The following SLC39A3 variants were observed in gnomAD, a reference collection of about 807,000 sequenced individuals.
SLC39A3 encodes zinc transporter ZIP3.
SLC39A3 carries 3 observed loss-of-function variants against 5.1 expected under a neutral mutation model. The ratio of observed to expected loss-of-function variants is 0.59; its 90% confidence interval spans 0.27 to 1.54. SLC39A3 has a LOEUF of 1.54. Ranked by LOEUF, SLC39A3 falls within the 40% of genes most tolerant of loss-of-function variation. The probability of loss-of-function intolerance (pLI) is 0.12; values close to 1 mark genes in which losing one functional copy is unlikely to be tolerated. For synonymous variants in SLC39A3, 250 were observed against 218.8 expected, an observed-to-expected ratio of 1.14 and a Z score of -1.26; for missense variants, 412 against 436.4, an observed-to-expected ratio of 0.94 and a Z score of 0.50.
Position 2,733,236 on chromosome 19 carries a change from C to A in SLC39A3, c.460G>T (p.Gly154Cys), listed in dbSNP as rs534083906. The A allele has an allele frequency of 9.3e-6, 15 of 1,608,784 alleles. No individual in the cohort carries two copies. In the African/African-American group the frequency reaches 1.9e-4, roughly 20 times the overall value. Residue 154 changes from glycine (G) to cysteine (C), a missense_variant, in exon 3 of 3, where the codon GGC becomes TGC. Coordinates refer to ENST00000269740, the MANE Select transcript of SLC39A3 (RefSeq NM_144564.5). The surrounding 1 kb of genome is among the most constrained non-coding windows in gnomAD (Gnocchi z 6.1). ...HALYVEPHGH[G>C]PSLSVQGLSR... is the part of the protein sequence containing the mutation. Reference sequence around the variant, plus strand: ...AGGCCCTGCACGCTCAGGCTGGGGCCGTGGCCGTGGGGCTCCACGTACAGC... The same window carrying A: ...AGGCCCTGCACGCTCAGGCTGGGGCAGTGGCCGTGGGGCTCCACGTACAGC...
At chr19:2,736,898 T>TCA (rs1914387208) in intron 2 of SLC39A3, 150 bp downstream of exon 2, 1 of 1,525,910 alleles carries the variant, frequency 6.6e-7, no homozygotes, top group Non-Finnish European at 8.8e-7. Context: ...AGTAACCAGT[T>TCA]CACAATCACA....
chr19:2,733,232 G>GGGCCGT lies in SLC39A3; in HGVS notation c.458_463dup (p.His153_Gly154dup). ...CGAGAGGCCCTGCACGCTCAGGCTG[G>GGGCCGT]GGCCGTGGCCGTGGGGCTCCACGTA... On this transcript the variant is annotated inframe_insertion, in exon 3 of 3. Coordinates refer to ENST00000269740, the MANE Select transcript of SLC39A3 (RefSeq NM_144564.5). This position sits in a 1 kb window ranked among gnomAD's most constrained non-coding sequence, Gnocchi z 6.1. 3.7e-6 allele frequency: 6 copies of GGGCCGT among 1,608,836 alleles called. No homozygotes were observed. The highest frequency in any genetic ancestry group is 5.1e-6 in the Non-Finnish European group (6 of 1,177,542).
rs1174594942 is a variant in SLC39A3, at chr19:2,739,953, G to T, written c.-131C>A. The T allele has an allele frequency of 6.6e-6, 1 of 152,372 alleles. No homozygotes were observed. Among genetic ancestry groups the T allele is most frequent in the Admixed American group, 6.5e-5 (1 of 15,280 alleles). The allele number at this position is 152,372 out of a possible 1,614,324, so 9.4% of individuals were successfully genotyped here. Reference sequence around the variant, plus strand: ...TCTCTGCCCGCACCTACCTCCCGGGGGCCCCTCGTCCGCCGACTGGCGCCG... The same window carrying T: ...TCTCTGCCCGCACCTACCTCCCGGGTGCCCCTCGTCCGCCGACTGGCGCCG... On this transcript the variant is annotated 5_prime_UTR_variant, in exon 1 of 3. Transcript: ENST00000269740.
chr19:2,735,697 G>T lies in SLC39A3; in HGVS notation c.210+1351C>A, dbSNP rs1914341868. On this transcript the variant is annotated intron_variant, in intron 2 of 2. Coordinates refer to ENST00000269740, the MANE Select transcript of SLC39A3 (RefSeq NM_144564.5). This position sits in a 1 kb window ranked among gnomAD's most constrained non-coding sequence, Gnocchi z 5.7. ...ACAGCTGCAACATCCCCTCTGCTGG[G>T]ATTCTGACATAATGGCAGGAGTGAC... is the stretch of plus-strand genomic sequence containing the variant. 2.9e-6 allele frequency: 1 copy of T among 341,870 alleles called. No individual in the cohort carries two copies. Among genetic ancestry groups the T allele is most frequent in the Non-Finnish European group, 4.1e-6 (1 of 242,008 alleles). 21.2% of individuals were successfully genotyped at this position (341,870 alleles called of 1,614,324 possible).
Position 2,734,422 on chromosome 19 carries a change from GCA to G in SLC39A3, c.211-939_211-938del, listed in dbSNP as rs1051675032. On this transcript the variant is annotated intron_variant, in intron 2 of 2. Transcript: ENST00000269740. This position sits in a 1 kb window ranked among gnomAD's most constrained non-coding sequence, Gnocchi z 4.6. Reference sequence around the variant, plus strand: ...CACACACACACACACACGCATATGTGCACACACGCACGCACACACACGCGCAC... The same window carrying G: ...CACACACACACACACACGCATATGTGCACACGCACGCACACACACGCGCAC... 3.9e-5 allele frequency: 6 copies of G among 152,310 alleles called. No homozygotes were observed. The highest frequency in any genetic ancestry group is 1.5e-5 in the Non-Finnish European group (1 of 68,184). The allele number at this position is 152,310 out of a possible 1,614,324, so 9.4% of individuals were successfully genotyped here. A position where few individuals can be genotyped will look rare whatever the true frequency, so the allele number is the denominator to read the frequency against.
chr19:2,739,478 AG>A (rs1362351587), intron 1 of SLC39A3: 2 of 152,024 alleles, frequency 1.3e-5, no homozygotes, highest in African/African-American at 2.4e-5. Flanking sequence ...CTCCACTCAG[AG>A]CTCTCCCCGC....
rs776627197 is a variant in SLC39A3 at position 2,733,473 on chromosome 19, G to A, written c.223C>T (p.Leu75=). 6.2e-7 allele frequency: 1 copy of A among 1,609,788 alleles called. No homozygotes were observed. Among genetic ancestry groups the A allele is most frequent in the East Asian group, 2.2e-5 (1 of 44,792 alleles). Residue 75 remains leucine, a synonymous_variant, in exon 3 of 3, where the codon CTG becomes TTG. Transcript: ENST00000269740. The surrounding 1 kb of genome is among the most constrained non-coding windows in gnomAD (Gnocchi z 6.1). The part of the protein sequence containing the change: ...PAVREKLQKV[L]SLGHISTDYP... ...TCGGTGCTGATGTGGCCGAGGCTCA[G>A]GACCTTCTGGAGCTGCAGCCGGGGA...
Position 2,734,650 on chromosome 19 carries a change from G to T in SLC39A3, c.211-1165C>A. The T allele has an allele frequency of 2.5e-6, 2 of 804,626 alleles. No homozygotes were observed. Among genetic ancestry groups the T allele is most frequent in the African/African-American group, 1.9e-5 (1 of 53,820 alleles). 49.8% of individuals were successfully genotyped at this position (804,626 alleles called of 1,614,324 possible). A position where few individuals can be genotyped will look rare whatever the true frequency, so the allele number is the denominator to read the frequency against. Reference sequence around the variant, plus strand: ...AGGGTGCTGCTGAGCAGTGTCTCTGGCCTCCACCCACTCCAGGCCAGGAGC... The same window carrying T: ...AGGGTGCTGCTGAGCAGTGTCTCTGTCCTCCACCCACTCCAGGCCAGGAGC... On this transcript the variant is annotated intron_variant, in intron 2 of 2. Transcript: ENST00000269740. The surrounding 1 kb of genome is among the most constrained non-coding windows in gnomAD (Gnocchi z 4.6).
chr19:2,737,400 G>A (rs1914405006), intron 1 of SLC39A3, 21 bp from the exon 2 acceptor site: 3 of 1,385,792 alleles, frequency 2.2e-6, no homozygotes, highest in Admixed American at 2.9e-5. Context: ...CAGGGGCACT[G>A]CATTAGCTTT....
intron 2 of SLC39A3, chr19:2,736,834 A>G: frequency 6.8e-7 from 1 of 1,463,864 alleles, no homozygotes; most frequent in Non-Finnish European, 9.0e-7. Flanking sequence ...ACCTGTTGGG[A>G]ATCCCAGGTC....
intron 1 of SLC39A3, among the ~76,000 whole-genome samples, chr19:2,737,971 G>A (rs890005260): frequency 6.6e-6 from 1 of 151,848 alleles, no homozygotes; most frequent in African/African-American, 2.4e-5. Context: ...GGCCGAGGTG[G>A]GTGGATCACC....
In SLC39A3 at chr19:2,734,254, C is replaced by G. The variant is rs754252842; in HGVS notation, c.211-769G>C. On this transcript the variant is annotated intron_variant, in intron 2 of 2. Transcript: ENST00000269740. This position sits in a 1 kb window ranked among gnomAD's most constrained non-coding sequence, Gnocchi z 4.6. Reference sequence around the variant, plus strand: ...ACAACAGCTCCCTGGAGCCTCGTCACGGCAGGGCCAGAGTTCACAGCCACC... The same window carrying G: ...ACAACAGCTCCCTGGAGCCTCGTCAGGGCAGGGCCAGAGTTCACAGCCACC... 6.6e-6 allele frequency among the ~76,000 whole-genome samples: 1 copy of G among 152,250 alleles called. No homozygotes were observed. The highest frequency in any genetic ancestry group is 2.4e-5 in the African/African-American group (1 of 41,468).
intron 1 of SLC39A3, among the ~76,000 whole-genome samples, chr19:2,739,031 T>C (rs1914468240): frequency 7.9e-6 from 1 of 125,972 alleles, no homozygotes; most frequent in Non-Finnish European, 1.6e-5. Flanking sequence ...ACCCAGGAGG[T>C]GGAGCTTGCA....
At chr19:2,736,768 G>A (rs780975376) in intron 2 of SLC39A3, 104 of 1,439,572 alleles carry the variant, frequency 7.2e-5, no homozygotes, top group Non-Finnish European at 9.1e-5. Flanking sequence ...AGGACAGAGT[G>A]TGCCCTACCT....
rs1185587495 is a variant in SLC39A3 at position 2,737,265 on chromosome 19, G to A, written c.-8C>T. ...CACTAGCAATTTCACCATGGTGGCGGCTTGGGCTGCTCTGGTCACTGCAGG... is the reference window on the plus strand; with the variant it reads ...CACTAGCAATTTCACCATGGTGGCGACTTGGGCTGCTCTGGTCACTGCAGG... On this transcript the variant is annotated 5_prime_UTR_variant, in exon 2 of 3. Transcript: ENST00000269740. The A allele has an allele frequency of 6.2e-7, 1 of 1,604,526 alleles. No individual in the cohort carries two copies. The highest frequency in any genetic ancestry group is 8.5e-7 in the Non-Finnish European group (1 of 1,175,408).
Position 2,733,007 on chromosome 19 carries a change from G to A in SLC39A3, c.689C>T (p.Ala230Val). ...ARSAMPLRDA[A>V]KLAVTVSAMI... is the part of the protein sequence containing the mutation. ...GGCGCTTACGGTGACCGCCAGCTTGGCCGCGTCCCGCAGGGGCATGGCACT... is the reference window on the plus strand; with the variant it reads ...GGCGCTTACGGTGACCGCCAGCTTGACCGCGTCCCGCAGGGGCATGGCACT... Residue 230 changes from alanine (A) to valine (V), a missense_variant, in exon 3 of 3, where the codon GCC (alanine) becomes GTC (valine). Physicochemically the swap from Ala to Val is moderately conservative, Grantham distance 64. Coordinates refer to ENST00000269740, the MANE Select transcript of SLC39A3 (RefSeq NM_144564.5). The surrounding 1 kb of genome is among the most constrained non-coding windows in gnomAD (Gnocchi z 6.1). 1.3e-6 allele frequency: 2 copies of A among 1,599,330 alleles called. No homozygotes were observed. The highest frequency in any genetic ancestry group is 3.4e-5 in the Admixed American group (2 of 58,648).
chr19:2,738,936 C>CAAGAAAA (rs1914461589), intron 1 of SLC39A3, among the ~76,000 whole-genome samples: 1 of 129,828 alleles, frequency 7.7e-6, no homozygotes. Context: ...GACTCTGTCT[C>CAAGAAAA]AAAAAAAAAA....
chr19:2,736,004 C>G, intron 2 of SLC39A3: 1 of 985,466 alleles, frequency 1.0e-6, no homozygotes, highest in Non-Finnish European at 1.2e-6. Context: ...GTAACCAACA[C>G]AAATTCAATG....
rs1217679603 is a variant in SLC39A3 at position 2,732,666 on chromosome 19, G to C, written c.*85C>G. Reference sequence around the variant, plus strand: ...GCCCAGGGCCACAGTGCTCGCTCTTGGGGGACGCGCGGCCGGGGGACGCGG... The same window carrying C: ...GCCCAGGGCCACAGTGCTCGCTCTTCGGGGACGCGCGGCCGGGGGACGCGG... On this transcript the variant is annotated 3_prime_UTR_variant, in exon 3 of 3. Transcript: ENST00000269740. 1 of 1,432,278 alleles carries C rather than the reference G, an allele frequency of 7.0e-7. No homozygotes were observed. Among genetic ancestry groups the C allele is most frequent in the Non-Finnish European group, 9.1e-7 (1 of 1,099,764 alleles). 88.7% of individuals were successfully genotyped at this position (1,432,278 alleles called of 1,614,324 possible).
Sources: allele counts gnomAD v4.1 joint callset (sites outside exome capture counted in the v4.1 genomes callset), GRCh38; gene constraint gnomAD v4.1.1; non-coding constraint Gnocchi (gnomAD v3.1); transcripts MANE v1.5; gene names NCBI Gene and HGNC (gene_info 2026-07-23, HGNC 2026-07-21).